Variants in NAV3 observed in about 807,000 individuals in gnomAD.
NAV3 encodes neuron navigator 3.
NAV3 carries 87 observed loss-of-function variants against 244.7 expected under a neutral mutation model. That is an observed-to-expected ratio of 0.36 (90% CI 0.30 to 0.42). The LOEUF (loss-of-function observed/expected upper bound fraction) is 0.42, where lower values mean the gene tolerates loss of function less well. Ranked by LOEUF, NAV3 falls within the 20% of genes least tolerant of loss-of-function variation. The pLI is 1.00. For missense variants in NAV3, 2,663 were observed against 2,893.3 expected (o/e 0.92, Z 1.83); for synonymous variants, 1,126 against 1,042.2 (o/e 1.08, Z -1.55).
chr12:78,142,735 G>A (rs2694672), intron 20 of NAV3, among the ~76,000 whole-genome samples: 18 of 58,786 alleles, frequency 3.1e-4, no homozygotes, highest in South Asian at 7.9e-4. Context: ...GTGTGTGTGT[G>A]TGTATATATA....
intron 22 of NAV3, among the ~76,000 whole-genome samples, chr12:78,150,390 A>G (rs1957027351): frequency 6.6e-6 from 1 of 152,092 alleles, no homozygotes; most frequent in Admixed American, 6.6e-5. Context: ...GGAATAATAA[A>G]TGGCTGCTAG....
intron 12 of NAV3, among the ~76,000 whole-genome samples, chr12:78,095,705 C>T (rs1954214791): frequency 6.6e-6 from 1 of 152,104 alleles, no homozygotes; most frequent in African/African-American, 2.4e-5. Flanking sequence ...AATAAAGATC[C>T]AGTTGAGCTT....
intron 12 of NAV3, among the ~76,000 whole-genome samples, chr12:78,107,916 A>T (rs1359896999): frequency 6.6e-6 from 1 of 152,272 alleles, no homozygotes; most frequent in Non-Finnish European, 1.5e-5. Context: ...GAACAAAAAT[A>T]TATAAGACAA....
At chr12:77,776,555 G>C (rs1200788115) in intron 2 of NAV3, among the ~76,000 whole-genome samples, 1 of 152,124 alleles carries the variant, frequency 6.6e-6, no homozygotes, top group Non-Finnish European at 1.5e-5. Context: ...TTTTTGTTCA[G>C]TAGAAGGACG....
chr12:77,854,120 C>G (rs1473201329), intron 1 of NAV3, among the ~76,000 whole-genome samples: 1 of 152,096 alleles, frequency 6.6e-6, no homozygotes, highest in Non-Finnish European at 1.5e-5. Flanking sequence ...ATTTCAGATG[C>G]CTTATCATCA....
intron 2 of NAV3, among the ~76,000 whole-genome samples, chr12:77,671,526 G>C (rs1081539): frequency 6.6e-6 from 1 of 151,796 alleles, no homozygotes; most frequent in Non-Finnish European, 1.5e-5. Context: ...CTATAATGCC[G>C]TGGTCACCAA....
intron 2 of NAV3, among the ~76,000 whole-genome samples, chr12:77,582,202 C>A (rs1265822206): frequency 6.6e-6 from 1 of 152,188 alleles, no homozygotes; most frequent in African/African-American, 2.4e-5. Flanking sequence ...ATTATTCCTT[C>A]CTTAATAACA....
At chr12:77,966,439 GAAACAT>G (rs1216500687) in intron 4 of NAV3, 138 bp downstream of exon 4, 1 of 674,922 alleles carries the variant, frequency 1.5e-6, no homozygotes, top group Non-Finnish European at 2.5e-6. Context: ...CAAGACAACC[GAAACAT>G]AAACATAATG....
chr12:78,075,711 T>C (rs958092069), intron 12 of NAV3, among the ~76,000 whole-genome samples: 1 of 152,202 alleles, frequency 6.6e-6, no homozygotes, highest in African/African-American at 2.4e-5. Flanking sequence ...GGAAAACTAA[T>C]CCACAGTCAT....
chr12:77,845,182 A>G (rs1876404328), intron 1 of NAV3, among the ~76,000 whole-genome samples: 1 of 152,198 alleles, frequency 6.6e-6, no homozygotes, highest in African/African-American at 2.4e-5. Context: ...CTATTTTAAT[A>G]AAAGGAATCT....
At chr12:77,841,090 T>C (rs1034155688) in intron 1 of NAV3, among the ~76,000 whole-genome samples, 10 of 152,200 alleles carry the variant, frequency 6.6e-5, no homozygotes, top group Non-Finnish European at 1.3e-4. Context: ...ATACAGAAAT[T>C]TGATATCTGT....
chr12:78,164,700 C>T (rs756288089), intron 23 of NAV3, among the ~76,000 whole-genome samples: 9 of 151,950 alleles, frequency 5.9e-5, no homozygotes, highest in Non-Finnish European at 1.2e-4. Context: ...TTCAGTAGAA[C>T]AACTAGCAAG....
intron 2 of NAV3, among the ~76,000 whole-genome samples, chr12:77,807,831 C>T (rs10859394): frequency 0.35 from 53,174 of 152,012 alleles, 10,387 homozygotes; most frequent in East Asian, 0.47. Flanking sequence ...TAGATTTGGT[C>T]TTTTCACATA....
At chr12:77,801,635 T>C (rs1329199611) in intron 2 of NAV3, among the ~76,000 whole-genome samples, 1 of 152,198 alleles carries the variant, frequency 6.6e-6, no homozygotes, top group African/African-American at 2.4e-5. Flanking sequence ...GGAAGTAGTA[T>C]GTCCCATCCA....
At position 78,006,570 on chromosome 12, in the gene NAV3, C is replaced by A. The variant is rs2136560290; in HGVS notation, c.1032C>A (p.Thr344=). The A allele has an allele frequency of 6.2e-7, 1 of 1,614,074 alleles. No homozygotes were observed. The highest frequency in any genetic ancestry group is 8.5e-7 in the Non-Finnish European group (1 of 1,180,028). The change falls in exon 8 of 40, where the codon ACC becomes ACA. Residue 344 remains threonine, a synonymous_variant. Coordinates refer to ENST00000397909, the MANE Select transcript of NAV3 (RefSeq NM_001024383.2). ...SKSMNVKHSA[T]STMLTVKQSS... ...CCATGAATGTCAAACACAGTGCCAC[C>A]TCCACCATGTTGACTGTAAAGCAGT...
chr12:78,164,766 T>G (rs1235755444), intron 23 of NAV3, among the ~76,000 whole-genome samples: 1 of 151,976 alleles, frequency 6.6e-6, no homozygotes, highest in East Asian at 1.9e-4. Context: ...AAACTAGAGC[T>G]GGGAAGTGTG....
At chr12:77,807,622 T>G (rs1169166807) in intron 2 of NAV3, among the ~76,000 whole-genome samples, 1 of 152,206 alleles carries the variant, frequency 6.6e-6, no homozygotes, top group Non-Finnish European at 1.5e-5. Flanking sequence ...TTTTCCTCTA[T>G]TTCAACCTTG....
At chr12:77,880,699 C>T (rs571387277) in intron 1 of NAV3, among the ~76,000 whole-genome samples, 20 of 152,194 alleles carry the variant, frequency 1.3e-4, no homozygotes, top group African/African-American at 3.1e-4. Context: ...GTCTTTTCTA[C>T]GTTCAGATAT....
At chr12:78,175,511 C>A in intron 25 of NAV3, 84 bp downstream of exon 25, 1 of 1,511,746 alleles carries the variant, frequency 6.6e-7, no homozygotes, top group South Asian at 1.2e-5. Context: ...TAGTGATCTG[C>A]AGTAGTTTAC....
Sources: gnomAD v4.1 joint callset for allele counts (sites outside exome capture counted in the v4.1 genomes callset) on GRCh38, gnomAD v4.1.1 for gene constraint, MANE v1.5 for transcripts, NCBI Gene and HGNC (gene_info 2026-07-23, HGNC 2026-07-21) for gene names.